Variants in INPP5A observed in about 807,000 individuals in gnomAD.
INPP5A encodes the protein 43 kDa inositol polyphosphate 5-phophatase.
A neutral mutation model predicts 65.2 loss-of-function variants in INPP5A; 14 were observed. The observed-to-expected ratio is 0.21, with a 90% confidence interval of 0.14 to 0.34. The LOEUF (loss-of-function observed/expected upper bound fraction) is 0.34, where lower values mean the gene tolerates loss of function less well. Ranked by LOEUF, INPP5A falls within the 10% of genes least tolerant of loss-of-function variation. The probability of loss-of-function intolerance (pLI) is 1.00; values close to 1 mark genes in which losing one functional copy is unlikely to be tolerated. For missense variants in INPP5A, 431 were observed against 545.6 expected (o/e 0.79, Z 2.09); for synonymous variants, 207 against 208.3 (o/e 0.99, Z 0.05).
intron 4 of INPP5A, among the ~76,000 whole-genome samples, chr10:132,665,253 C>T (rs571521469): frequency 7.2e-5 from 11 of 152,328 alleles, no homozygotes; most frequent in Middle Eastern, 3.4e-3. Flanking sequence ...CACCCCGCAG[C>T]GGCCACTGGC....
At chr10:132,665,659 G>A (rs1470702839) in intron 4 of INPP5A, among the ~76,000 whole-genome samples, 4 of 143,784 alleles carry the variant, frequency 2.8e-5, no homozygotes, top group Non-Finnish European at 6.1e-5. Flanking sequence ...AGCACTCTGG[G>A]AGGCTGAGGC....
At chr10:132,577,290 C>T (rs573189347) in intron 1 of INPP5A, among the ~76,000 whole-genome samples, 29 of 152,264 alleles carry the variant, frequency 1.9e-4, no homozygotes, top group East Asian at 7.7e-4. Context: ...CATTTCAGGA[C>T]GGGACTCTGA....
intron 4 of INPP5A, among the ~76,000 whole-genome samples, chr10:132,652,437 A>G (rs1365601248): frequency 6.6e-6 from 1 of 152,258 alleles, no homozygotes. Context: ...TCATCAGTCC[A>G]TGAAACTTAC....
chr10:132,577,741 A>T (rs1326875587), intron 1 of INPP5A, among the ~76,000 whole-genome samples: 1 of 152,198 alleles, frequency 6.6e-6, no homozygotes, highest in Non-Finnish European at 1.5e-5. Flanking sequence ...TCAGGGAGGC[A>T]TTGGGTGTTG....
chr10:132,749,746 C>T, intron 10 of INPP5A, 25 bp from the exon 11 acceptor site: 1 of 1,610,576 alleles, frequency 6.2e-7, no homozygotes, highest in South Asian at 1.1e-5. Context: ...AGCTCAGGTG[C>T]TCATGGGCCA....
At position 132,637,062 on chromosome 10, in the gene INPP5A, C is replaced by G. The variant is rs1369750868; in HGVS notation, c.118-8806C>G. Among the ~76,000 whole-genome samples the G allele has an allele frequency of 6.6e-6, 1 of 152,138 alleles. No individual in the cohort carries two copies. Among genetic ancestry groups the G allele is most frequent in the Non-Finnish European group, 1.5e-5 (1 of 68,036 alleles). On this transcript the variant is annotated intron_variant, in intron 2 of 15. Coordinates refer to ENST00000368594, the MANE Select transcript of INPP5A (RefSeq NM_005539.5). The surrounding 1 kb of genome is among the most constrained non-coding windows in gnomAD (Gnocchi z 4.1). ...CCTCCCAAGTAGGTAGGACTACAAGCGTGCGCCACCAGGCCCAGCTAATTT... is the reference window on the plus strand; with the variant it reads ...CCTCCCAAGTAGGTAGGACTACAAGGGTGCGCCACCAGGCCCAGCTAATTT...
intron 11 of INPP5A, among the ~76,000 whole-genome samples, chr10:132,752,595 A>AG (rs1846511986): frequency 1.3e-5 from 1 of 77,452 alleles, no homozygotes; most frequent in Non-Finnish European, 2.4e-5. Context: ...TGTGGCATGG[A>AG]GGGGTGTGGC....
In INPP5A at chr10:132,729,473, G is replaced by A. The variant is rs577970235; in HGVS notation, c.732+2568G>A. 1.2e-4 allele frequency among the ~76,000 whole-genome samples: 18 copies of A among 152,288 alleles called. No homozygotes were observed. The South Asian group carries it at 2.7e-3, about 23-fold the overall frequency. On this transcript the variant is annotated intron_variant, in intron 9 of 15. Coordinates refer to ENST00000368594, the MANE Select transcript of INPP5A (RefSeq NM_005539.5). ...AGATGGCCCTGGTGCCCTGGACCCCGCCAGGGAGGGTGGGTGCAGAGCAGG... is the reference window on the plus strand; with the variant it reads ...AGATGGCCCTGGTGCCCTGGACCCCACCAGGGAGGGTGGGTGCAGAGCAGG...
chr10:132,777,337 A>G lies in INPP5A; in HGVS notation c.978-334A>G, dbSNP rs376148705. ...CTGGGACCAGATGACACTGGCTGCCATTTTGTTTCCATGGAGGTTTTCATC... is the reference window on the plus strand; with the variant it reads ...CTGGGACCAGATGACACTGGCTGCCGTTTTGTTTCCATGGAGGTTTTCATC... On this transcript the variant is annotated intron_variant, in intron 12 of 15. Transcript: ENST00000368594. Among the ~76,000 whole-genome samples the G allele has an allele frequency of 1.1e-4, 17 of 152,302 alleles. No individual in the cohort carries two copies. The East Asian group carries it at 3.3e-3, about 29-fold the overall frequency.
intron 8 of INPP5A, among the ~76,000 whole-genome samples, chr10:132,711,235 A>G (rs2767459): frequency 0.099 from 15,094 of 152,064 alleles, 847 homozygotes; most frequent in African/African-American, 0.14. Context: ...CACCGGTGAT[A>G]CTGTGGAGAT....
rs1026637672 is a variant in INPP5A, at chr10:132,556,552, C to A, written c.75+18381C>A. On this transcript the variant is annotated intron_variant, in intron 1 of 15. Transcript: ENST00000368594. ...CATATGTACACACCATACACATGCA[C>A]AACATACATATACATACATGCATAC... Among the ~76,000 whole-genome samples, 6 of 152,176 alleles carry A rather than the reference C, an allele frequency of 3.9e-5. No homozygotes were observed. In the East Asian group the frequency reaches 1.2e-3, roughly 29 times the overall value.
At chr10:132,649,714 A>G (rs2072546867) in intron 3 of INPP5A, among the ~76,000 whole-genome samples, 1 of 151,686 alleles carries the variant, frequency 6.6e-6, no homozygotes, top group African/African-American at 2.4e-5. Context: ...GGGATGATGG[A>G]CTGTCTCTGT....
chr10:132,721,516 G>T (rs1233404832), intron 8 of INPP5A, among the ~76,000 whole-genome samples: 3 of 145,364 alleles, frequency 2.1e-5, no homozygotes, highest in South Asian at 2.2e-4. Flanking sequence ...CTGTCTGGGG[G>T]CCTTAGACGG....
At chr10:132,563,447 G>A (rs563430449) in intron 1 of INPP5A, among the ~76,000 whole-genome samples, 173 of 152,316 alleles carry the variant, frequency 1.1e-3, no homozygotes, top group African/African-American at 3.8e-3. Flanking sequence ...GAACAGCAGC[G>A]CCGTCATCTT....
intron 1 of INPP5A, among the ~76,000 whole-genome samples, chr10:132,591,406 C>T (rs977212857): frequency 2.6e-5 from 4 of 152,192 alleles, no homozygotes; most frequent in South Asian, 4.1e-4. Flanking sequence ...GCTATTTCTG[C>T]GCTCGCTTGG....
Position 132,575,118 on chromosome 10 carries a change from C to T in INPP5A, c.76-32797C>T, listed in dbSNP as rs962441905. 6.6e-6 allele frequency among the ~76,000 whole-genome samples: 1 copy of T among 152,284 alleles called. No individual in the cohort carries two copies. The highest frequency in any genetic ancestry group is 1.5e-5 in the Non-Finnish European group (1 of 68,022). ...CACAGGGTGACAGGTGACAGGTGAC[C>T]CAGCCTTCAGGCTCCCTGTCCAGCC... On this transcript the variant is annotated intron_variant, in intron 1 of 15. Coordinates refer to ENST00000368594, the MANE Select transcript of INPP5A (RefSeq NM_005539.5). The surrounding 1 kb of genome is among the most constrained non-coding windows in gnomAD (Gnocchi z 5.4).
chr10:132,756,993 A>G (rs907430304), intron 11 of INPP5A, among the ~76,000 whole-genome samples: 2 of 152,284 alleles, frequency 1.3e-5, no homozygotes, highest in African/African-American at 4.8e-5. Context: ...CAAAAAGTTT[A>G]TAGAATATAT....
In INPP5A at chr10:132,782,484, G is replaced by A. The variant is rs1847183741; in HGVS notation, c.*455G>A. Reference sequence around the variant, plus strand: ...CACTCCCTCTGCCGGCCGGCAGCGTGGCCCTGAGCATGGCAAGGGGGTCTG... The same window carrying A: ...CACTCCCTCTGCCGGCCGGCAGCGTAGCCCTGAGCATGGCAAGGGGGTCTG... On this transcript the variant is annotated 3_prime_UTR_variant, in exon 16 of 16. Coordinates refer to ENST00000368594, the MANE Select transcript of INPP5A (RefSeq NM_005539.5). This position sits in a 1 kb window ranked among gnomAD's most constrained non-coding sequence, Gnocchi z 4.4. The A allele has an allele frequency of 4.9e-6, 1 of 204,336 alleles. No individual in the cohort carries two copies. Among genetic ancestry groups the A allele is most frequent in the East Asian group, 1.2e-4 (1 of 8,166 alleles). The allele number at this position is 204,336 out of a possible 1,614,324, so 12.7% of individuals were successfully genotyped here.
chr10:132,569,402 G>A (rs1323740030), intron 1 of INPP5A, among the ~76,000 whole-genome samples: 1 of 152,134 alleles, frequency 6.6e-6, no homozygotes, highest in African/African-American at 2.4e-5. Context: ...GCATAGGCTG[G>A]AGTGCAGTGG....
Sources: gnomAD v4.1 joint callset for allele counts (sites outside exome capture counted in the v4.1 genomes callset) on GRCh38, gnomAD v4.1.1 for gene constraint, Gnocchi (gnomAD v3.1) non-coding constraint, MANE v1.5 for transcripts, NCBI Gene and HGNC (gene_info 2026-07-23, HGNC 2026-07-21) for gene names.